Variants in RAI14 observed in about 807,000 individuals in gnomAD.
RAI14 encodes ankycorbin.
RAI14 carries 45 observed loss-of-function variants against 115.4 expected under a neutral mutation model. The observed-to-expected ratio is 0.39, with a 90% confidence interval of 0.31 to 0.50. RAI14 has a LOEUF of 0.50. Ranked by LOEUF, RAI14 falls within the 20% of genes least tolerant of loss-of-function variation. The probability of loss-of-function intolerance (pLI) is 0.85; values close to 1 mark genes in which losing one functional copy is unlikely to be tolerated. For missense variants in RAI14, 939 were observed against 1,131.2 expected (o/e 0.83, Z 2.44); for synonymous variants, 371 against 415.4 (o/e 0.89, Z 1.30).
At chr5:34,809,213 C>T (rs141851680) in intron 7 of RAI14, among the ~76,000 whole-genome samples, 9 of 152,248 alleles carry the variant, frequency 5.9e-5, no homozygotes, top group Middle Eastern at 6.8e-3. Context: ...AACTTTGCCA[C>T]GAAATATCTC....
chr5:34,660,707 C>T (rs1246297601), intron 1 of RAI14, among the ~76,000 whole-genome samples: 1 of 152,104 alleles, frequency 6.6e-6, no homozygotes. Context: ...ATGGTAACCA[C>T]TCAGGCTGAA....
At chr5:34,810,961 T>A in intron 7 of RAI14, 51 bp from the exon 8 acceptor site, 1 of 1,608,310 alleles carries the variant, frequency 6.2e-7, no homozygotes, top group Non-Finnish European at 8.5e-7. Context: ...ACTTTTGCAA[T>A]TCTGGCATTT....
intron 1 of RAI14, among the ~76,000 whole-genome samples, chr5:34,677,510 T>C (rs905735589): frequency 6.7e-6 from 1 of 149,270 alleles, no homozygotes; most frequent in African/African-American, 2.5e-5. Context: ...GTAGTGACAA[T>C]CATAGCTCCC....
At chr5:34,764,147 G>A (rs929253156) in intron 3 of RAI14, among the ~76,000 whole-genome samples, 6 of 152,092 alleles carry the variant, frequency 3.9e-5, no homozygotes, top group South Asian at 2.1e-4. Context: ...CACTGCACCC[G>A]GCAATCACCC....
At chr5:34,805,723 C>T (rs1282189955) in intron 5 of RAI14, among the ~76,000 whole-genome samples, 2 of 152,114 alleles carry the variant, frequency 1.3e-5, no homozygotes, top group Non-Finnish European at 2.9e-5. Context: ...TGCCTGTAAT[C>T]CCAGCTACTC....
At chr5:34,757,417 C>T (rs766469314) in intron 2 of RAI14, 51 bp from the exon 3 acceptor site, 165 of 1,598,112 alleles carry the variant, frequency 1.0e-4, no homozygotes, top group Middle Eastern at 1.7e-4. Flanking sequence ...CTGGTCAGTG[C>T]GGCTGTGGCC....
At chr5:34,792,513 C>A (rs1043918695) in intron 3 of RAI14, among the ~76,000 whole-genome samples, 2 of 152,034 alleles carry the variant, frequency 1.3e-5, no homozygotes, top group African/African-American at 4.8e-5. Flanking sequence ...GGATTACAGG[C>A]GTAAGCCACT....
At chr5:34,666,100 T>A (rs1743188311) in intron 1 of RAI14, among the ~76,000 whole-genome samples, 1 of 152,230 alleles carries the variant, frequency 6.6e-6, no homozygotes, top group Non-Finnish European at 1.5e-5. Context: ...GGGTCTGTTC[T>A]GTCTTCAGCT....
chr5:34,812,053 T>C, intron 9 of RAI14, 108 bp downstream of exon 9: 1 of 1,311,916 alleles, frequency 7.6e-7, no homozygotes, highest in South Asian at 1.4e-5. Context: ...CTTTTAAACA[T>C]ATTCTTGAAA....
At chr5:34,761,611 G>A (rs144943826) in intron 3 of RAI14, among the ~76,000 whole-genome samples, 11 of 152,134 alleles carry the variant, frequency 7.2e-5, no homozygotes, top group East Asian at 1.9e-4. Flanking sequence ...CTGTCTCCCC[G>A]CTGTTTCTTC....
chr5:34,725,825 G>A (rs1158971296), intron 2 of RAI14, among the ~76,000 whole-genome samples: 1 of 151,892 alleles, frequency 6.6e-6, no homozygotes, highest in Non-Finnish European at 1.5e-5. Flanking sequence ...TTAGCCAGCA[G>A]TGGTGGCGTA....
chr5:34,799,912 C>T (rs1432462851), intron 4 of RAI14, among the ~76,000 whole-genome samples: 1 of 152,138 alleles, frequency 6.6e-6, no homozygotes, highest in Non-Finnish European at 1.5e-5. Flanking sequence ...TGGTCTTGAT[C>T]TCCTGACCTC....
At chr5:34,805,227 T>C (rs1754719799) in intron 5 of RAI14, among the ~76,000 whole-genome samples, 1 of 147,192 alleles carries the variant, frequency 6.8e-6, no homozygotes, top group Admixed American at 6.6e-5. Context: ...TTCAGATTGT[T>C]CTTCTTCCTG....
At chr5:34,817,465 T>C (rs1334351765) in intron 12 of RAI14, among the ~76,000 whole-genome samples, 1 of 152,000 alleles carries the variant, frequency 6.6e-6, no homozygotes, top group Non-Finnish European at 1.5e-5. Flanking sequence ...ATAAACCTAA[T>C]ATATGATCCA....
At chr5:34,701,980 T>C (rs1293323660) in intron 2 of RAI14, among the ~76,000 whole-genome samples, 2 of 151,952 alleles carry the variant, frequency 1.3e-5, no homozygotes, top group African/African-American at 4.8e-5. Flanking sequence ...GCCCGGCTAA[T>C]TTTTTGTATT....
At chr5:34,670,955 G>A (rs1369687732) in intron 1 of RAI14, among the ~76,000 whole-genome samples, 1 of 152,160 alleles carries the variant, frequency 6.6e-6, no homozygotes, top group Non-Finnish European at 1.5e-5. Context: ...GATGTTTTTG[G>A]AAAATTTTCA....
chr5:34,765,164 A>T (rs1372556851), intron 3 of RAI14, among the ~76,000 whole-genome samples: 1 of 152,200 alleles, frequency 6.6e-6, no homozygotes, highest in Non-Finnish European at 1.5e-5. Flanking sequence ...CCAGTCTCAG[A>T]TATGTCTTTA....
chr5:34,692,178 G>A lies in RAI14; in HGVS notation c.36+5223G>A, dbSNP rs146779297. On this transcript the variant is annotated intron_variant, in intron 2 of 17. Transcript: ENST00000265109. ...CTCGGGAGGCTGAGGCAGGAGAATC[G>A]CTTGAACCCAGGGGGTGGAGGTTGC... Among the ~76,000 whole-genome samples the A allele has an allele frequency of 7.5e-3, 1,147 of 152,204 alleles. 17 individuals carry two copies. Among genetic ancestry groups the A allele is most frequent in the African/African-American group, 0.025 (1,027 of 41,512 alleles).
intron 2 of RAI14, among the ~76,000 whole-genome samples, chr5:34,715,157 A>G (rs961163674): frequency 6.6e-6 from 1 of 152,256 alleles, no homozygotes; most frequent in Middle Eastern, 3.4e-3. Context: ...TGGGGCTGCT[A>G]CCTTTATGGG....
Sources: allele counts gnomAD v4.1 joint callset (sites outside exome capture counted in the v4.1 genomes callset), GRCh38; gene constraint gnomAD v4.1.1; transcripts MANE v1.5; gene names NCBI Gene and HGNC (gene_info 2026-07-23, HGNC 2026-07-21).